Variants in FLRT1 observed in about 807,000 individuals in gnomAD.
FLRT1 encodes the protein fibronectin leucine rich transmembrane protein 1, also known as leucine-rich repeat transmembrane protein FLRT1.
FLRT1 carries 14 observed loss-of-function variants against 30.9 expected under a neutral mutation model. The observed-to-expected ratio is 0.45, with a 90% CI of 0.30 to 0.71. The LOEUF is 0.71. FLRT1 is among the 30% of genes least tolerant of loss of function. FLRT1 has a pLI of 0.08. For synonymous variants in FLRT1, 368 were observed against 430.4 expected (o/e 0.85, Z 1.80); for missense variants, 737 against 949.2 (o/e 0.78, Z 2.94).
Position 64,064,729 on chromosome 11 carries a change from C to G in FLRT1, c.-1038+28570C>G, listed in dbSNP as rs529041927. ...AGTTCTCCTCTCCCCTCCCTGCCAG[C>G]CCCCCAGCAGGCAGCCAGGCCTGGA... On this transcript the variant is annotated intron_variant, in intron 1 of 2. Transcript: ENST00000682287. The surrounding 1 kb of genome is among the most constrained non-coding windows in gnomAD (Gnocchi z 4.5). 9.6e-4 allele frequency among the ~76,000 whole-genome samples: 145 copies of G among 150,878 alleles called. No individual in the cohort carries two copies. Among genetic ancestry groups the G allele is most frequent in the African/African-American group, 3.1e-3 (130 of 41,274 alleles).
chr11:64,094,715 A>C (rs1250937105), intron 1 of FLRT1, among the ~76,000 whole-genome samples: 1 of 152,216 alleles, frequency 6.6e-6, no homozygotes, highest in Non-Finnish European at 1.5e-5. Flanking sequence ...GGCTGACCAC[A>C]GAGGCCAGAG....
rs982867359 is a variant in FLRT1, at chr11:64,100,859, G to A, written c.-1037-2335G>A. On this transcript the variant is annotated intron_variant, in intron 1 of 2. Coordinates refer to ENST00000682287, the MANE Select transcript of FLRT1 (RefSeq NM_013280.5). ...AGGCTCTGCAGGCCCCAGGGAAGGT[G>A]GGGGTGGGGGCTGCAGCAGGGAAGG... is the stretch of plus-strand genomic sequence containing the variant. Among the ~76,000 whole-genome samples, 3 of 152,318 alleles carry A rather than the reference G, an allele frequency of 2.0e-5. No homozygotes were observed. The South Asian group carries it at 6.2e-4, about 32-fold the overall frequency.
chr11:64,074,413 G>C (rs1366112239), intron 1 of FLRT1, among the ~76,000 whole-genome samples: 1 of 152,206 alleles, frequency 6.6e-6, no homozygotes, highest in African/African-American at 2.4e-5. Flanking sequence ...AGCTCCAGGG[G>C]TGTGGTCCAC....
At chr11:64,063,745 G>A (rs143266298) in intron 1 of FLRT1, among the ~76,000 whole-genome samples, 5 of 152,178 alleles carry the variant, frequency 3.3e-5, no homozygotes, top group South Asian at 2.1e-4. Context: ...GGGCAGCCAC[G>A]CGGTCCTCGC....
intron 2 of FLRT1, among the ~76,000 whole-genome samples, chr11:64,109,756 C>G (rs1282658500): frequency 3.3e-5 from 5 of 152,122 alleles, no homozygotes; most frequent in Non-Finnish European, 7.4e-5. Flanking sequence ...GACATAGGGT[C>G]AAGGCTGCCA....
intron 1 of FLRT1, among the ~76,000 whole-genome samples, chr11:64,083,355 G>A (rs1944336180): frequency 6.6e-6 from 1 of 152,178 alleles, no homozygotes; most frequent in South Asian, 2.1e-4. Flanking sequence ...AGAATCTCTT[G>A]AACCCAGGAA....
chr11:64,058,239 C>T (rs1448210122), intron 1 of FLRT1, among the ~76,000 whole-genome samples: 1 of 152,252 alleles, frequency 6.6e-6, no homozygotes, highest in South Asian at 2.1e-4. Context: ...AGCAGGGTAA[C>T]CTGCTCCTGC....
chr11:64,094,641 C>T (rs1047592869), intron 1 of FLRT1, among the ~76,000 whole-genome samples: 6 of 152,164 alleles, frequency 3.9e-5, no homozygotes, highest in East Asian at 1.9e-4. Flanking sequence ...GGGCAGACTC[C>T]GGAGGCTCAG....
At chr11:64,049,088 T>G (rs1257845035) in intron 1 of FLRT1, among the ~76,000 whole-genome samples, 1 of 151,822 alleles carries the variant, frequency 6.6e-6, no homozygotes, top group Non-Finnish European at 1.5e-5. Flanking sequence ...TTGCCTGCAC[T>G]TTGTGGGTGA....
At chr11:64,042,162 A>C (rs1233830581) in intron 1 of FLRT1, among the ~76,000 whole-genome samples, 1 of 152,190 alleles carries the variant, frequency 6.6e-6, no homozygotes, top group Non-Finnish European at 1.5e-5. Flanking sequence ...TGGTGGGCAC[A>C]CATGCACCTT....
At chr11:64,077,802 C>T (rs756212748) in intron 1 of FLRT1, among the ~76,000 whole-genome samples, 110 of 152,220 alleles carry the variant, frequency 7.2e-4, no homozygotes, top group African/African-American at 2.4e-3. Flanking sequence ...GGCCTCCGGC[C>T]GCCGCTCGGA....
chr11:64,095,313 A>G (rs1944557435), intron 1 of FLRT1, among the ~76,000 whole-genome samples: 1 of 152,206 alleles, frequency 6.6e-6, no homozygotes, highest in Admixed American at 6.5e-5. Context: ...TAACAACAAG[A>G]AAAGGAAGCT....
At chr11:64,072,076 G>C (rs1944118983) in intron 1 of FLRT1, among the ~76,000 whole-genome samples, 1 of 152,244 alleles carries the variant, frequency 6.6e-6, no homozygotes, top group Admixed American at 6.5e-5. Context: ...GATGATGTGA[G>C]CCCGAATCGA....
At chr11:64,043,814 C>T (rs896132573) in intron 1 of FLRT1, among the ~76,000 whole-genome samples, 26 of 144,590 alleles carry the variant, frequency 1.8e-4, no homozygotes, top group Middle Eastern at 3.6e-3. Context: ...GACATGGCAT[C>T]TTTTTTTTTT....
chr11:64,036,796 C>CG lies in FLRT1; in HGVS notation c.-1038+643dup, dbSNP rs1386127901. Among the ~76,000 whole-genome samples, 1 of 152,092 alleles carries CG rather than the reference C, an allele frequency of 6.6e-6. No individual in the cohort carries two copies. Among genetic ancestry groups the CG allele is most frequent in the Non-Finnish European group, 1.5e-5 (1 of 68,000 alleles). On this transcript the variant is annotated intron_variant, in intron 1 of 2. Transcript: ENST00000682287. The surrounding 1 kb of genome is among the most constrained non-coding windows in gnomAD (Gnocchi z 5.6). ...GAACGGTGAGACCATGGTGCCTGGG[C>CG]GGGGGGCGGCGGGCACCCCCCATCC...
rs1463407550 is a variant in FLRT1 at position 64,090,511 on chromosome 11, C to CA, written c.-1037-12683_-1037-12682insA. ...GGAGGCCAAATAACCACATTTGCTT[C>CA]CCCGGGCCCTCCCTCGACCGGCTCT... On this transcript the variant is annotated intron_variant, in intron 1 of 2. Transcript: ENST00000682287. This position sits in a 1 kb window ranked among gnomAD's most constrained non-coding sequence, Gnocchi z 4.7. 3.9e-5 allele frequency among the ~76,000 whole-genome samples: 6 copies of CA among 152,114 alleles called. No homozygotes were observed. The highest frequency in any genetic ancestry group is 5.9e-5 in the Non-Finnish European group (4 of 68,012).
At chr11:64,083,856 G>A (rs996691809) in intron 1 of FLRT1, among the ~76,000 whole-genome samples, 1 of 152,216 alleles carries the variant, frequency 6.6e-6, no homozygotes, top group Non-Finnish European at 1.5e-5. Flanking sequence ...GGTGAGGGGC[G>A]CTGACCTGGG....
At position 64,118,010 on chromosome 11, in the gene FLRT1, C is replaced by T. The variant is rs200134025; in HGVS notation, c.1743C>T (p.Gly581=). ...GAICWYVHQA[G]ELLTRERAYN... is the part of the protein sequence containing the mutation. ...TCTGCTGGTACGTGCACCAGGCTGG[C>T]GAGCTGCTGACCCGGGAGAGGGCCT... The change falls in exon 3 of 3, where the codon GGC becomes GGT. Residue 581 remains glycine (G), a synonymous_variant. Coordinates refer to ENST00000682287, the MANE Select transcript of FLRT1 (RefSeq NM_013280.5). 9.3e-6 allele frequency: 15 copies of T among 1,613,584 alleles called. No homozygotes were observed. Among genetic ancestry groups the T allele is most frequent in the African/African-American group, 4.0e-5 (3 of 75,044 alleles).
At chr11:64,060,614 G>A (rs1404844357) in intron 1 of FLRT1, 2 of 152,254 alleles carry the variant, frequency 1.3e-5, no homozygotes, top group Non-Finnish European at 2.9e-5. Flanking sequence ...GATTAGAACT[G>A]GTGAAACTGG....
Sources: allele counts gnomAD v4.1 joint callset (sites outside exome capture counted in the v4.1 genomes callset), GRCh38; gene constraint gnomAD v4.1.1; non-coding constraint Gnocchi (gnomAD v3.1); transcripts MANE v1.5; gene names NCBI Gene and HGNC (gene_info 2026-07-23, HGNC 2026-07-21).